Variants in CERS6 observed in about 807,000 individuals in gnomAD.
CERS6 encodes the protein LAG1 homolog, ceramide synthase 6.
CERS6 carries 26 observed loss-of-function variants against 56.8 expected under a neutral mutation model. That is an observed-to-expected ratio of 0.46 (90% CI 0.34 to 0.63). The LOEUF is 0.63. Ranked by LOEUF, CERS6 falls within the 30% of genes least tolerant of loss-of-function variation. The pLI, the probability that CERS6 is intolerant of heterozygous loss-of-function variation, is 0.01. For missense variants in CERS6, 415 were observed against 467.5 expected, an observed-to-expected ratio of 0.89 and a Z score of 1.04; for synonymous variants, 164 against 173.3, an observed-to-expected ratio of 0.95 and a Z score of 0.42.
intron 3 of CERS6, among the ~76,000 whole-genome samples, chr2:168,611,847 C>CT (rs1424084739): frequency 2.0e-5 from 3 of 152,180 alleles, no homozygotes; most frequent in African/African-American, 7.2e-5. Context: ...TGACGTACTG[C>CT]TTAACCACTT....
intron 3 of CERS6, among the ~76,000 whole-genome samples, chr2:168,592,747 C>A (rs1332204807): frequency 6.6e-6 from 1 of 152,082 alleles, no homozygotes; most frequent in African/African-American, 2.4e-5. Context: ...GGGAGACCAT[C>A]AATATTATGA....
In CERS6 at chr2:168,769,696, C is replaced by G; in HGVS notation, c.*34C>G. The G allele has an allele frequency of 6.3e-7, 1 of 1,596,876 alleles. No homozygotes were observed. The highest frequency in any genetic ancestry group is 1.1e-5 in the South Asian group (1 of 87,500). On this transcript the variant is annotated 3_prime_UTR_variant, in exon 10 of 10. Coordinates refer to ENST00000305747, the MANE Select transcript of CERS6 (RefSeq NM_203463.3). ...AACTACAAGTCCCAAGCAAAGTGAA[C>G]TATTTGTTCCTGGAAGTATTTAATA...
intron 2 of CERS6, among the ~76,000 whole-genome samples, chr2:168,556,984 G>T (rs2105378422): frequency 3.4e-5 from 3 of 88,518 alleles, no homozygotes; most frequent in Admixed American, 1.8e-4. Context: ...GTGAAACCTT[G>T]TCTCTACAAA....
At chr2:168,586,890 G>A (rs1017078507) in intron 3 of CERS6, among the ~76,000 whole-genome samples, 2 of 152,174 alleles carry the variant, frequency 1.3e-5, no homozygotes, top group African/African-American at 4.8e-5. Flanking sequence ...GTTTATTGAG[G>A]TCAGGCATGG....
At chr2:168,706,966 G>C (rs543714743) in intron 6 of CERS6, among the ~76,000 whole-genome samples, 190 of 152,304 alleles carry the variant, frequency 1.2e-3, no homozygotes, top group African/African-American at 4.2e-3. Flanking sequence ...ACAAATGGGC[G>C]TGGCTGTATT....
At chr2:168,601,247 A>C (rs1324021714) in intron 3 of CERS6, among the ~76,000 whole-genome samples, 1 of 152,230 alleles carries the variant, frequency 6.6e-6, no homozygotes, top group South Asian at 2.1e-4. Context: ...AGTCTCCCAC[A>C]TAAGGTCACG....
intron 4 of CERS6, among the ~76,000 whole-genome samples, chr2:168,675,133 C>G (rs1295673267): frequency 1.3e-5 from 2 of 152,046 alleles, no homozygotes; most frequent in Non-Finnish European, 2.9e-5. Flanking sequence ...ACCACCACAC[C>G]TAGCAGATTT....
chr2:168,498,616 C>T (rs1027758136), intron 1 of CERS6, among the ~76,000 whole-genome samples: 1 of 152,176 alleles, frequency 6.6e-6, no homozygotes, highest in African/African-American at 2.4e-5. Context: ...GGAGACTTAA[C>T]GTAAATATAT....
intron 8 of CERS6, among the ~76,000 whole-genome samples, chr2:168,749,071 C>T (rs1293574670): frequency 6.6e-6 from 1 of 151,588 alleles, no homozygotes; most frequent in East Asian, 1.9e-4. Flanking sequence ...GAAGCACTCT[C>T]TCTCCTATAT....
At chr2:168,473,290 G>A (rs538120660) in intron 1 of CERS6, among the ~76,000 whole-genome samples, 246 of 151,686 alleles carry the variant, frequency 1.6e-3, no homozygotes, top group Admixed American at 2.8e-3. Flanking sequence ...TAATGTTTCT[G>A]TAATCTTAAA....
intron 1 of CERS6, among the ~76,000 whole-genome samples, chr2:168,527,262 AAGTAC>A (rs1695087108): frequency 1.3e-5 from 2 of 152,212 alleles, no homozygotes; most frequent in Admixed American, 1.3e-4. Flanking sequence ...TTGAATTAGA[AAGTAC>A]AGAGATTTCC....
chr2:168,752,315 G>GTGTGTGTT (rs1553516289), intron 8 of CERS6, among the ~76,000 whole-genome samples: 4 of 145,080 alleles, frequency 2.8e-5, no homozygotes, highest in Admixed American at 6.8e-5. Flanking sequence ...GTGTGTGTGT[G>GTGTGTGTT]TGTATAGAGA....
chr2:168,643,847 C>T (rs959612988), intron 4 of CERS6, among the ~76,000 whole-genome samples: 1 of 152,184 alleles, frequency 6.6e-6, no homozygotes, highest in Non-Finnish European at 1.5e-5. Context: ...ATCTCGAGGT[C>T]CAGAATCACA....
At chr2:168,740,635 T>G (rs1683869525) in intron 8 of CERS6, among the ~76,000 whole-genome samples, 1 of 152,238 alleles carries the variant, frequency 6.6e-6, no homozygotes, top group Non-Finnish European at 1.5e-5. Flanking sequence ...GAGTCTGGGT[T>G]AACTCAGCGC....
chr2:168,512,047 A>G (rs1694797435), intron 1 of CERS6, among the ~76,000 whole-genome samples: 1 of 152,210 alleles, frequency 6.6e-6, no homozygotes, highest in South Asian at 2.1e-4. Flanking sequence ...TTGAACCCTT[A>G]GCACGTTAGC....
At chr2:168,568,406 A>C (rs1650648962) in intron 3 of CERS6, among the ~76,000 whole-genome samples, 4 of 152,222 alleles carry the variant, frequency 2.6e-5, no homozygotes, top group Admixed American at 2.6e-4. Flanking sequence ...AATGTATTTT[A>C]AAAGTTATTT....
rs1440954526 is a variant in CERS6 at position 168,456,693 on chromosome 2, C to T, written c.170+75C>T. The T allele has an allele frequency of 4.2e-6, 6 of 1,420,428 alleles. No individual in the cohort carries two copies. The highest frequency in any genetic ancestry group is 1.3e-5 in the South Asian group (1 of 79,054). 88.0% of individuals were successfully genotyped at this position (1,420,428 alleles called of 1,614,324 possible). On this transcript the variant is annotated intron_variant, in intron 1 of 9. Coordinates refer to ENST00000305747, the MANE Select transcript of CERS6 (RefSeq NM_203463.3). This position sits in a 1 kb window ranked among gnomAD's most constrained non-coding sequence, Gnocchi z 4.1. ...GCGCACACACTCGCGCGCTCTCTGGCGCACGCCCCCGCGCCCCCAACGCTC... is the reference window on the plus strand; with the variant it reads ...GCGCACACACTCGCGCGCTCTCTGGTGCACGCCCCCGCGCCCCCAACGCTC...
chr2:168,670,015 A>G (rs1685868558), intron 4 of CERS6, among the ~76,000 whole-genome samples: 1 of 152,188 alleles, frequency 6.6e-6, no homozygotes, highest in Admixed American at 6.5e-5. Context: ...TCATTTTTGT[A>G]TTACTTACTT....
chr2:168,634,828 T>C (rs2105300490), intron 4 of CERS6, among the ~76,000 whole-genome samples: 1 of 152,282 alleles, frequency 6.6e-6, no homozygotes, highest in South Asian at 2.1e-4. Context: ...CCATAGGAGA[T>C]AGAAACCCCA....
Sources: allele counts gnomAD v4.1 joint callset (sites outside exome capture counted in the v4.1 genomes callset), GRCh38; gene constraint gnomAD v4.1.1; non-coding constraint Gnocchi (gnomAD v3.1); transcripts MANE v1.5; gene names NCBI Gene and HGNC (gene_info 2026-07-23, HGNC 2026-07-21).